Variants in NLRC3 observed in about 807,000 individuals in gnomAD.
NLRC3 encodes the protein NLR family CARD domain-containing protein 3.
A neutral mutation model predicts 91.6 loss-of-function variants in NLRC3; 87 were observed. That is an observed-to-expected ratio of 0.95 (90% CI 0.80 to 1.14). The LOEUF (loss-of-function observed/expected upper bound fraction) is 1.14, where lower values mean the gene tolerates loss of function less well. Among genes scored for constraint, NLRC3 ranks in the 50% most tolerant of loss-of-function variants. The probability of loss-of-function intolerance (pLI) is 0.00; values close to 1 mark genes in which losing one functional copy is unlikely to be tolerated. For missense variants in NLRC3, 1,577 were observed against 1,418.6 expected (o/e 1.11, Z -1.79); for synonymous variants, 694 against 625.3 (o/e 1.11, Z -1.64).
intron 10 of NLRC3, among the ~76,000 whole-genome samples, chr16:3,550,714 A>C (rs1037499899): frequency 1.6e-4 from 25 of 151,822 alleles, no homozygotes; most frequent in African/African-American, 6.0e-4. Context: ...GTCCCTCTTG[A>C]CTCCCTGGCA....
At chr16:3,556,569 A>G (rs2039345888) in intron 8 of NLRC3, among the ~76,000 whole-genome samples, 1 of 151,736 alleles carries the variant, frequency 6.6e-6, no homozygotes, top group Non-Finnish European at 1.5e-5. Context: ...TAGTGGCGCG[A>G]TCTCAACTTA....
At position 3,564,162 on chromosome 16, in the gene NLRC3, GA is replaced by G. The variant is rs761389463; in HGVS notation, c.774del (p.Pro259ArgfsTer25). The stretch of plus-strand genomic sequence containing the variant: ...GAGGTGATCCAGATGGAAACTTCCG[GA>G]AAGAGGTTGCCACGGATGATGTTGG... ...LITNIIRGNL[F>X]PEVSIWITSR... is the part of the protein sequence containing the mutation. On this transcript the variant is annotated frameshift_variant, in exon 5 of 20. Transcript: ENST00000359128. LOFTEE classifies it high-confidence loss of function. This position sits in a 1 kb window ranked among gnomAD's most constrained non-coding sequence, Gnocchi z 5.9. 56 of 1,613,580 alleles carry G rather than the reference GA, an allele frequency of 3.5e-5. No homozygotes were observed. Among genetic ancestry groups the G allele is most frequent in the Non-Finnish European group, 4.4e-5 (52 of 1,179,896 alleles).
intron 12 of NLRC3, 50 bp from the exon 13 acceptor site, chr16:3,549,275 T>A (rs2038871236): frequency 7.3e-7 from 1 of 1,375,468 alleles, no homozygotes; most frequent in Non-Finnish European, 1.0e-6. Context: ...ATGAGGTGTC[T>A]GGCAAAGCCA....
chr16:3,548,783 C>T, intron 13 of NLRC3, 30 bp from the exon 14 acceptor site: 1 of 1,505,742 alleles, frequency 6.6e-7, no homozygotes, highest in Non-Finnish European at 9.1e-7. Context: ...AGCAAGTGAG[C>T]CGGGGGCCGG....
At chr16:3,559,302 G>C (rs1256067383) in intron 6 of NLRC3, among the ~76,000 whole-genome samples, 4 of 152,234 alleles carry the variant, frequency 2.6e-5, no homozygotes, top group African/African-American at 9.6e-5. Flanking sequence ...ACTACAGAGA[G>C]AGGTAAAGAA....
chr16:3,572,425 C>T (rs1175375610), intron 1 of NLRC3, among the ~76,000 whole-genome samples: 3 of 151,950 alleles, frequency 2.0e-5, no homozygotes, highest in Non-Finnish European at 4.4e-5. Flanking sequence ...GTAGCTGGGA[C>T]TACAGGCGCA....
In NLRC3 at chr16:3,564,627, G is replaced by T; in HGVS notation, c.310C>A (p.His104Asn). Residue 104 changes from histidine to asparagine, a missense_variant, in exon 5 of 20, where the codon CAC (histidine) becomes AAC (asparagine). By Grantham distance (68) the His-to-Asn change is moderately conservative (BLOSUM62 1). Transcript: ENST00000359128. This position sits in a 1 kb window ranked among gnomAD's most constrained non-coding sequence, Gnocchi z 5.9. ...EGLTDLQLRE[H>N]DFTQVEATRG... ...GTGGCCTCCACCTGTGTGAAGTCGT[G>T]TTCCCTCAGCTGCAGGTCCGTCAGG... The T allele has an allele frequency of 6.2e-7, 1 of 1,609,002 alleles. No homozygotes were observed.
At chr16:3,558,501 A>G (rs148656017) in intron 6 of NLRC3, among the ~76,000 whole-genome samples, 1 of 152,108 alleles carries the variant, frequency 6.6e-6, no homozygotes, top group Non-Finnish European at 1.5e-5. Flanking sequence ...ATTTAGGCAC[A>G]CTACTGATCC....
chr16:3,564,481 G>A lies in NLRC3; in HGVS notation c.456C>T (p.Thr152=). 1 of 1,612,556 alleles carries A rather than the reference G, an allele frequency of 6.2e-7. No homozygotes were observed. Among genetic ancestry groups the A allele is most frequent in the Non-Finnish European group, 8.5e-7 (1 of 1,179,878 alleles). ...GGCGGACGAAGTGCCTCACCAGGGT[G>A]GTCTTGCCCATGCCGGCCACCCCGA... ...ITIGVAGMGK[T]TLVRHFVRLW... Residue 152 remains threonine, a synonymous_variant, in exon 5 of 20, where the codon ACC becomes ACT. Coordinates refer to ENST00000359128, the MANE Select transcript of NLRC3 (RefSeq NM_178844.4). The surrounding 1 kb of genome is among the most constrained non-coding windows in gnomAD (Gnocchi z 5.9).
At chr16:3,576,020 C>T (rs1171434140) in intron 1 of NLRC3, among the ~76,000 whole-genome samples, 2 of 152,194 alleles carry the variant, frequency 1.3e-5, no homozygotes, top group African/African-American at 2.4e-5. Context: ...CACCTCAGGG[C>T]CCTACCCTGC....
intron 17 of NLRC3, chr16:3,543,136 C>T (rs1400427063): frequency 4.1e-6 from 2 of 492,648 alleles, no homozygotes; most frequent in Admixed American, 3.3e-5. Context: ...TGTAACCTCA[C>T]CCCAGGACTT....
At chr16:3,565,116 G>A (rs1567149802) in intron 3 of NLRC3, 56 bp from the exon 4 acceptor site, 2 of 1,379,288 alleles carry the variant, frequency 1.5e-6, no homozygotes, top group Non-Finnish European at 1.0e-6. Context: ...CAGCAGCCTG[G>A]GACAGGTGAG....
chr16:3,543,058 C>T (rs1042059270), intron 17 of NLRC3: 3 of 508,844 alleles, frequency 5.9e-6, no homozygotes, highest in Non-Finnish European at 1.1e-5. Context: ...GGCAGCCCTC[C>T]ATCTGGGCAG....
chr16:3,556,988 G>A lies in NLRC3; in HGVS notation c.2106C>T (p.Arg702=), dbSNP rs563590896. The A allele has an allele frequency of 1.4e-5, 23 of 1,612,082 alleles. No homozygotes were observed. In the African/African-American group the frequency reaches 1.6e-4, roughly 11 times the overall value. The change falls in exon 8 of 20, where the codon CGC becomes CGT. Residue 702 remains arginine, a synonymous_variant. Coordinates refer to ENST00000359128, the MANE Select transcript of NLRC3 (RefSeq NM_178844.4). ...VNRSLTSLDL[R]GNSIGPQGAK... ...CCCCTTGTGGTCCAATGGAGTTACC[G>A]CGGAGGCTGAAGGAAGAGAGAAAGA...
chr16:3,543,522 G>A lies in NLRC3; in HGVS notation c.2856-14C>T. 6.2e-7 allele frequency: 1 copy of A among 1,605,186 alleles called. No homozygotes were observed. The highest frequency in any genetic ancestry group is 1.7e-5 in the Admixed American group (1 of 59,670). On this transcript the variant is annotated splice_polypyrimidine_tract_variant and intron_variant, in intron 16 of 19. Coordinates refer to ENST00000359128, the MANE Select transcript of NLRC3 (RefSeq NM_178844.4). ...GCCACCTGGAGACTGGGGCGGAGAGGGTGCCGTCAGTGTGAGCCGGCTGGG... is the reference window on the plus strand; with the variant it reads ...GCCACCTGGAGACTGGGGCGGAGAGAGTGCCGTCAGTGTGAGCCGGCTGGG...
intron 1 of NLRC3, 21 bp downstream of exon 1, chr16:3,577,128 G>A (rs2040336125): frequency 1.4e-6 from 1 of 702,944 alleles, no homozygotes; most frequent in Non-Finnish European, 2.6e-6. Context: ...CCTGCACTGA[G>A]GTCACCTGGA....
At chr16:3,552,091 A>C (rs2039046215) in intron 10 of NLRC3, 105 bp downstream of exon 10, 2 of 732,460 alleles carry the variant, frequency 2.7e-6, no homozygotes, top group Non-Finnish European at 4.9e-6. Flanking sequence ...CCATTCACCT[A>C]TCCATCAATC....
chr16:3,556,204 G>A (rs1175997327), intron 8 of NLRC3, among the ~76,000 whole-genome samples: 2 of 149,998 alleles, frequency 1.3e-5, no homozygotes, highest in Non-Finnish European at 3.0e-5. Context: ...GGTGGCAGGA[G>A]CCTGTAATCC....
chr16:3,569,839 G>A (rs984963671), intron 1 of NLRC3, among the ~76,000 whole-genome samples: 1 of 152,128 alleles, frequency 6.6e-6, no homozygotes, highest in Admixed American at 6.6e-5. Context: ...TGTTAGGTGT[G>A]ATGTTTGTGA....
Sources: allele counts gnomAD v4.1 joint callset (sites outside exome capture counted in the v4.1 genomes callset), GRCh38; gene constraint gnomAD v4.1.1; non-coding constraint Gnocchi (gnomAD v3.1); transcripts MANE v1.5; gene names NCBI Gene and HGNC (gene_info 2026-07-23, HGNC 2026-07-21).